Variants in PLA2R1 observed in about 807,000 individuals in gnomAD.
PLA2R1 encodes phospholipase A2 receptor 1.
PLA2R1 carries 158 observed loss-of-function variants against 195.9 expected under a neutral mutation model. That is an observed-to-expected ratio of 0.81 (90% CI 0.71 to 0.92). The LOEUF (loss-of-function observed/expected upper bound fraction) is 0.92, where lower values mean the gene tolerates loss of function less well. PLA2R1 is among the 40% of genes least tolerant of loss of function. PLA2R1 has a pLI of 0.00. For missense variants in PLA2R1, 1,626 were observed against 1,764.6 expected, an observed-to-expected ratio of 0.92 and a Z score of 1.41; for synonymous variants, 586 against 598.2, an observed-to-expected ratio of 0.98 and a Z score of 0.30.
intron 3 of PLA2R1, 123 bp from the exon 4 acceptor site, chr2:160,033,255 A>G (rs1226988948): frequency 1.6e-6 from 1 of 644,182 alleles, no homozygotes; most frequent in African/African-American, 1.9e-5. Context: ...GGCCTTATCT[A>G]TTCTTGATTA....
At chr2:159,982,369 G>C (rs1438118555) in intron 13 of PLA2R1, among the ~76,000 whole-genome samples, 1 of 152,182 alleles carries the variant, frequency 6.6e-6, no homozygotes, top group Admixed American at 6.5e-5. Context: ...AAGGTGTCCC[G>C]ACCAAGTGTG....
chr2:160,034,866 CA>C (rs1694079421), intron 3 of PLA2R1, among the ~76,000 whole-genome samples: 1 of 152,048 alleles, frequency 6.6e-6, no homozygotes, highest in Non-Finnish European at 1.5e-5. Flanking sequence ...CCCAGGAGTT[CA>C]AGACCAGCCT....
intron 3 of PLA2R1, among the ~76,000 whole-genome samples, chr2:160,041,146 C>G (rs976684652): frequency 2.0e-5 from 3 of 152,144 alleles, no homozygotes; most frequent in Non-Finnish European, 2.9e-5. Context: ...TCTACAGATA[C>G]TTTATAAGTC....
At chr2:160,041,665 T>C (rs1467890444) in intron 3 of PLA2R1, among the ~76,000 whole-genome samples, 1 of 152,186 alleles carries the variant, frequency 6.6e-6, no homozygotes, top group Non-Finnish European at 1.5e-5. Flanking sequence ...AGATAGTGGA[T>C]TGAAAGGCTA....
intron 10 of PLA2R1, among the ~76,000 whole-genome samples, chr2:160,012,423 T>C (rs936105063): frequency 6.6e-6 from 1 of 152,094 alleles, no homozygotes; most frequent in South Asian, 2.1e-4. Context: ...TGGGGCAGAT[T>C]GTATGGAGTG....
chr2:159,966,293 G>A (rs1451677312), intron 20 of PLA2R1, among the ~76,000 whole-genome samples: 1 of 152,084 alleles, frequency 6.6e-6, no homozygotes, highest in Admixed American at 6.6e-5. Flanking sequence ...GTCACAAAAA[G>A]GCAAATACTG....
the PLA2R1 span, among the ~76,000 whole-genome samples, chr2:159,925,872 T>G: frequency 6.6e-6 from 1 of 152,252 alleles, no homozygotes; most frequent in Non-Finnish European, 1.5e-5. Context: ...GTCTCTCCCT[T>G]GGGTTCTAGA....
chr2:160,014,947 T>G (rs555190663), intron 9 of PLA2R1, among the ~76,000 whole-genome samples: 2 of 152,292 alleles, frequency 1.3e-5, no homozygotes, highest in South Asian at 4.1e-4. Flanking sequence ...TCCGATAATG[T>G]ATTCTTCTTC....
chr2:159,926,939 C>A, the PLA2R1 span, among the ~76,000 whole-genome samples: 1 of 152,134 alleles, frequency 6.6e-6, no homozygotes, highest in Non-Finnish European at 1.5e-5. Flanking sequence ...TCCAGCAAGG[C>A]AAGGAGGGAG....
intron 10 of PLA2R1, 129 bp from the exon 11 acceptor site, chr2:160,005,950 C>T: frequency 7.4e-6 from 5 of 679,762 alleles, no homozygotes; most frequent in South Asian, 7.2e-5. Context: ...GAACATGGAA[C>T]AGGAAAACAC....
At position 160,062,421 on chromosome 2, in the gene PLA2R1, TCCGGGAGCCCCTTGTC is replaced by T. The variant is rs754716866; in HGVS notation, c.-34_-19del. 120 of 1,530,798 alleles carry T rather than the reference TCCGGGAGCCCCTTGTC, an allele frequency of 7.8e-5. No homozygotes were observed. The African/African-American group carries it at 1.2e-3, about 15-fold the overall frequency. 94.8% of individuals were successfully genotyped at this position (1,530,798 alleles called of 1,614,324 possible). A position where few individuals can be genotyped will look rare whatever the true frequency, so the allele number is the denominator to read the frequency against. On this transcript the variant is annotated 5_prime_UTR_variant, in exon 1 of 30. Transcript: ENST00000283243. ...AGCAGCATCGCTAACCACTGGGCTCTCCGGGAGCCCCTTGTCCCGGGAGCCCCTTATCCCGGGAGCC... is the reference window on the plus strand; with the variant it reads ...AGCAGCATCGCTAACCACTGGGCTCTCCGGGAGCCCCTTATCCCGGGAGCC...
At chr2:160,040,042 C>T (rs1226051175) in intron 3 of PLA2R1, among the ~76,000 whole-genome samples, 1 of 151,516 alleles carries the variant, frequency 6.6e-6, no homozygotes, top group African/African-American at 2.4e-5. Context: ...ATAATGACCT[C>T]TATTGGGGAT....
downstream of PLA2R1, among the ~76,000 whole-genome samples, chr2:159,927,830 C>A (rs1013101729): frequency 1.7e-4 from 26 of 152,186 alleles, no homozygotes; most frequent in Non-Finnish European, 2.9e-5. Context: ...TGCAAGACAC[C>A]CAGATCAGAA....
chr2:160,040,116 T>C (rs1471789755), intron 3 of PLA2R1, among the ~76,000 whole-genome samples: 1 of 152,112 alleles, frequency 6.6e-6, no homozygotes, highest in South Asian at 2.1e-4. Flanking sequence ...ATGACATCTG[T>C]TTCAGGAGTC....
At chr2:159,975,817 T>C (rs534418696) in intron 17 of PLA2R1, among the ~76,000 whole-genome samples, 14 of 152,070 alleles carry the variant, frequency 9.2e-5, no homozygotes, top group Non-Finnish European at 1.9e-4. Flanking sequence ...CTCACCATTG[T>C]TGCTAACAAA....
chr2:160,000,542 G>A (rs1240924118), intron 11 of PLA2R1, among the ~76,000 whole-genome samples: 2 of 152,120 alleles, frequency 1.3e-5, no homozygotes, highest in Admixed American at 1.3e-4. Flanking sequence ...AGAAAAATCA[G>A]TAGTTCTAGG....
chr2:159,977,847 G>A (rs1246703641), intron 14 of PLA2R1, among the ~76,000 whole-genome samples: 5 of 151,968 alleles, frequency 3.3e-5, no homozygotes, highest in South Asian at 2.1e-4. Context: ...GGAGAATGGC[G>A]TGGACCCAGG....
chr2:159,955,797 G>T lies in PLA2R1; in HGVS notation c.3054C>A (p.Thr1018=). 6.3e-7 allele frequency: 1 copy of T among 1,598,164 alleles called. No individual in the cohort carries two copies. Among genetic ancestry groups the T allele is most frequent in the Non-Finnish European group, 8.6e-7 (1 of 1,169,486 alleles). The change falls in exon 22 of 30, where the codon ACC becomes ACA. Residue 1018 remains threonine, a synonymous_variant. Transcript: ENST00000283243. ...AFITMNLFGQ[T]TSVWIGLQND... Reference sequence around the variant, plus strand: ...TTTGTAAACCTATCCACACACTGGTGGTCTGGCCAAAAAGATTCATAGTAA... The same window carrying T: ...TTTGTAAACCTATCCACACACTGGTTGTCTGGCCAAAAAGATTCATAGTAA...
chr2:160,027,777 TA>T (rs1256461828), intron 6 of PLA2R1, among the ~76,000 whole-genome samples: 1 of 152,204 alleles, frequency 6.6e-6, no homozygotes, highest in East Asian at 1.9e-4. Context: ...GTTCTGCATG[TA>T]ATTTCAGGGA....
Sources: gnomAD v4.1 joint callset for allele counts (sites outside exome capture counted in the v4.1 genomes callset) on GRCh38, gnomAD v4.1.1 for gene constraint, MANE v1.5 for transcripts, NCBI Gene and HGNC (gene_info 2026-07-23, HGNC 2026-07-21) for gene names.